The following MAGI1 variants were observed in gnomAD, a reference collection of about 807,000 sequenced individuals.
MAGI1 encodes the protein membrane associated guanylate kinase, WW and PDZ domain containing 1, also known as membrane-associated guanylate kinase, WW and PDZ domain-containing protein 1.
In MAGI1, 58 loss-of-function variants were observed where a neutral mutation model predicts 139.9. The observed-to-expected ratio is 0.41, with a 90% CI of 0.34 to 0.52. The LOEUF (loss-of-function observed/expected upper bound fraction) is 0.52, where lower values mean the gene tolerates loss of function less well. Among genes scored for constraint, MAGI1 ranks in the 20% least tolerant of loss-of-function variants. MAGI1 has a pLI of 0.12. For missense variants in MAGI1, 1,874 were observed against 1,901.6 expected (o/e 0.99, Z 0.27); for synonymous variants, 812 against 737.9 (o/e 1.10, Z -1.63).
chr3:65,687,516 C>A (rs1389328533), intron 1 of MAGI1: 3 of 380,622 alleles, frequency 7.9e-6, no homozygotes, highest in African/African-American at 6.4e-5. Context: ...GCTGAGCAGG[C>A]CTCTTACTTT....
At chr3:65,937,986 T>C (rs1436888821) in intron 1 of MAGI1, among the ~76,000 whole-genome samples, 1 of 152,060 alleles carries the variant, frequency 6.6e-6, no homozygotes, top group Admixed American at 6.6e-5. Context: ...GATCAAGCAA[T>C]ACTCTATTAG....
At chr3:65,491,176 T>C (rs1575993307) in intron 3 of MAGI1, among the ~76,000 whole-genome samples, 1 of 151,742 alleles carries the variant, frequency 6.6e-6, no homozygotes, top group African/African-American at 2.4e-5. Flanking sequence ...GAGTGTAGGA[T>C]CTGAGAGTCA....
chr3:65,375,306 A>G (rs11706201), intron 18 of MAGI1, among the ~76,000 whole-genome samples: 5,408 of 150,756 alleles, frequency 0.036, 140 homozygotes, highest in South Asian at 0.053. Flanking sequence ...CTCCTGCCTC[A>G]GCCTCCCGAG....
chr3:65,362,883 G>A (rs970132093), intron 21 of MAGI1, among the ~76,000 whole-genome samples: 10 of 152,200 alleles, frequency 6.6e-5, no homozygotes, highest in East Asian at 3.8e-4. Flanking sequence ...AGATATTAGC[G>A]AAACAGAGCA....
chr3:65,570,451 A>G (rs1464776297), intron 2 of MAGI1, among the ~76,000 whole-genome samples: 2 of 152,128 alleles, frequency 1.3e-5, no homozygotes, highest in Non-Finnish European at 1.5e-5. Flanking sequence ...AGCTCAGATT[A>G]AAAATATAAC....
intron 15 of MAGI1, 78 bp from the exon 16 acceptor site, chr3:65,382,147 G>T: frequency 8.2e-7 from 1 of 1,218,166 alleles, no homozygotes; most frequent in Middle Eastern, 2.0e-4. Flanking sequence ...ACATCTCTGG[G>T]AACAATTCAT....
chr3:65,575,175 T>C (rs531860227), intron 2 of MAGI1, among the ~76,000 whole-genome samples: 1 of 152,080 alleles, frequency 6.6e-6, no homozygotes, highest in Non-Finnish European at 1.5e-5. Flanking sequence ...AAAAAGGTCT[T>C]ATATTCAGAA....
intron 1 of MAGI1, among the ~76,000 whole-genome samples, chr3:65,968,464 G>A (rs768375114): frequency 1.6e-4 from 24 of 152,016 alleles, no homozygotes. Context: ...AATCCATCTT[G>A]GTGCTGATGG....
intron 12 of MAGI1, among the ~76,000 whole-genome samples, chr3:65,419,146 TA>T (rs1403200661): frequency 2.0e-5 from 3 of 152,074 alleles, no homozygotes; most frequent in Non-Finnish European, 4.4e-5. Flanking sequence ...TGGCTCTAAA[TA>T]ACCTCTGATT....
intron 1 of MAGI1, among the ~76,000 whole-genome samples, chr3:65,722,619 C>T (rs562614781): frequency 3.3e-5 from 5 of 152,134 alleles, no homozygotes; most frequent in South Asian, 2.1e-4. Context: ...GGCCATAGAG[C>T]GAGACCCTGT....
chr3:65,763,136 TATACTAGTAGG>T (rs1305184403), intron 1 of MAGI1, among the ~76,000 whole-genome samples: 3 of 152,166 alleles, frequency 2.0e-5, no homozygotes, highest in African/African-American at 7.2e-5. Context: ...GTATCCTCCC[TATACTAGTAGG>T]AAAGTCACAT....
chr3:65,851,105 T>C (rs868767965), intron 1 of MAGI1, among the ~76,000 whole-genome samples: 1 of 151,714 alleles, frequency 6.6e-6, no homozygotes, highest in Non-Finnish European at 1.5e-5. Flanking sequence ...AGACTTCATC[T>C]GGAGAAAAAA....
At chr3:65,961,925 G>A (rs2064447214) in intron 1 of MAGI1, among the ~76,000 whole-genome samples, 1 of 152,124 alleles carries the variant, frequency 6.6e-6, no homozygotes, top group South Asian at 2.1e-4. Context: ...AGAGCTAAGA[G>A]TCTGGGAGCC....
rs1293993885 is a variant in MAGI1, at chr3:65,429,238, C to T, written c.2167+282G>A. ...TCAGCCTCTCAAGCAGCCAGGACTA[C>T]AGGTGGGTACCACCACACCCAACTT... On this transcript the variant is annotated intron_variant, in intron 12 of 22. Coordinates refer to ENST00000402939, the MANE Select transcript of MAGI1 (RefSeq NM_001033057.2). 3.3e-5 allele frequency among the ~76,000 whole-genome samples: 5 copies of T among 152,112 alleles called. No individual in the cohort carries two copies. The East Asian group carries it at 5.8e-4, about 18-fold the overall frequency.
intron 1 of MAGI1, among the ~76,000 whole-genome samples, chr3:66,009,534 C>A (rs542325440): frequency 6.6e-6 from 1 of 152,052 alleles, no homozygotes; most frequent in South Asian, 2.1e-4. Flanking sequence ...TAAGGAATAT[C>A]TGAATTCAAG....
At chr3:65,369,852 T>A (rs997533034) in intron 18 of MAGI1, among the ~76,000 whole-genome samples, 4 of 152,182 alleles carry the variant, frequency 2.6e-5, no homozygotes. Context: ...CACTCTGAGT[T>A]AAGACCTTCA....
chr3:66,028,528 T>TTA (rs35766955), intron 1 of MAGI1, among the ~76,000 whole-genome samples: 85,033 of 151,114 alleles, frequency 0.56, 25,294 homozygotes, highest in East Asian at 0.86. Flanking sequence ...GCCCCACTGC[T>TTA]TCCCCAGCCA....
intron 2 of MAGI1, among the ~76,000 whole-genome samples, chr3:65,597,187 C>T (rs2082250574): frequency 6.6e-6 from 1 of 151,966 alleles, no homozygotes; most frequent in Non-Finnish European, 1.5e-5. Flanking sequence ...CTCCCTTCCC[C>T]TGCCCTCCAC....
chr3:65,848,088 C>T (rs1299817387), intron 1 of MAGI1, among the ~76,000 whole-genome samples: 1 of 152,118 alleles, frequency 6.6e-6, no homozygotes, highest in Non-Finnish European at 1.5e-5. Flanking sequence ...ATAAGAGTTA[C>T]CCAAAGGACA....
Sources: gnomAD v4.1 joint callset for allele counts (sites outside exome capture counted in the v4.1 genomes callset) on GRCh38, gnomAD v4.1.1 for gene constraint, MANE v1.5 for transcripts, NCBI Gene and HGNC (gene_info 2026-07-23, HGNC 2026-07-21) for gene names.